The following CSF2RA variants were observed in gnomAD, a reference collection of about 807,000 sequenced individuals.
CSF2RA encodes colony stimulating factor 2 receptor subunit alpha.
Under a neutral mutation model 51.6 loss-of-function variants are expected in CSF2RA, and 42 were observed. The observed-to-expected ratio is 0.81, with a 90% confidence interval of 0.64 to 1.05. The LOEUF (loss-of-function observed/expected upper bound fraction) is 1.05. CSF2RA is among the 50% of genes least tolerant of loss of function. CSF2RA has a pLI of 0.00. For synonymous variants in CSF2RA, 222 were observed against 193.0 expected, an observed-to-expected ratio of 1.15 and a Z score of -1.24; for missense variants, 530 against 501.1, an observed-to-expected ratio of 1.06 and a Z score of -0.55.
chrX:1,277,908 C>T (rs1244405791), intron 2 of CSF2RA, among the ~76,000 whole-genome samples: 8 of 140,952 alleles, frequency 5.7e-5, no homozygotes, highest in East Asian at 2.1e-4. Flanking sequence ...ACTTGGGAGA[C>T]GGAGGTTGCA....
intron 2 of CSF2RA, among the ~76,000 whole-genome samples, chrX:1,279,945 C>G (rs1363380710): frequency 7.2e-5 from 11 of 151,796 alleles, no homozygotes; most frequent in African/African-American, 2.7e-4. Flanking sequence ...ACCCACCACC[C>G]CACCCGGCTA....
chrX:1,283,959 C>G (rs2090345282), intron 3 of CSF2RA, among the ~76,000 whole-genome samples: 1 of 151,922 alleles, frequency 6.6e-6, no homozygotes, highest in Non-Finnish European at 1.5e-5. Context: ...GGGAGGGACC[C>G]TCTTGACTGA....
At chrX:1,307,638 A>C (rs1401610437) in intron 12 of CSF2RA, among the ~76,000 whole-genome samples, 7 of 114,944 alleles carry the variant, frequency 6.1e-5, no homozygotes, top group East Asian at 2.8e-4. Context: ...TCCCCTTTAT[A>C]CCTTCGACTG....
chrX:1,317,170 G>A, the CSF2RA span, among the ~76,000 whole-genome samples: 7 of 148,390 alleles, frequency 4.7e-5, no homozygotes, highest in African/African-American at 1.2e-4. Context: ...GGATGGTCTC[G>A]AACTCCTGAC....
At chrX:1,317,246 C>CTTTTTTTTTT in the CSF2RA span, among the ~76,000 whole-genome samples, 28 of 57,836 alleles carry the variant, frequency 4.8e-4, 1 homozygote, top group East Asian at 6.2e-4. Flanking sequence ...CCACGCTCAG[C>CTTTTTTTTTT]TTTTTTTTTT....
chrX:1,294,608 G>C, intron 8 of CSF2RA, 147 bp downstream of exon 8: 1 of 1,061,662 alleles, frequency 9.4e-7, no homozygotes, highest in Non-Finnish European at 1.4e-6. Flanking sequence ...ACTTCGGGTA[G>C]CGGAGGAAGA....
chrX:1,315,788 T>C, the CSF2RA span, among the ~76,000 whole-genome samples: 61 of 85,062 alleles, frequency 7.2e-4, no homozygotes, highest in South Asian at 0.019. Flanking sequence ...GATAGATAGA[T>C]AGATAGATAG....
the CSF2RA span, among the ~76,000 whole-genome samples, chrX:1,322,665 C>A: frequency 6.6e-6 from 1 of 151,788 alleles, no homozygotes; most frequent in Non-Finnish European, 1.5e-5. Flanking sequence ...AGCTACTCAA[C>A]AATCACACAA....
intron 2 of CSF2RA, among the ~76,000 whole-genome samples, chrX:1,280,436 A>T (rs187992469): frequency 2.0e-5 from 3 of 148,072 alleles, no homozygotes; most frequent in African/African-American, 5.0e-5. Context: ...GCACCACTGC[A>T]CTCCAGCCTG....
At chrX:1,300,392 A>C in intron 9 of CSF2RA, 99 bp from the exon 10 acceptor site, 2 of 1,414,252 alleles carry the variant, frequency 1.4e-6, no homozygotes, top group Non-Finnish European at 2.0e-6. Context: ...AGAAAAAAAG[A>C]AAAGGAGAAA....
At chrX:1,284,201 T>C (rs866170809) in intron 3 of CSF2RA, among the ~76,000 whole-genome samples, 20,179 of 126,054 alleles carry the variant, frequency 0.16, 2,226 homozygotes, top group Non-Finnish European at 0.22. Flanking sequence ...CTCTCTTTTT[T>C]TTTTTTTTTT....
At chrX:1,314,260 C>CCAGACAGCATCTG (rs1569514697), downstream of CSF2RA, among the ~76,000 whole-genome samples, 1 of 51,002 alleles carries the variant, frequency 2.0e-5, no homozygotes, top group African/African-American at 7.5e-5. Flanking sequence ...ACCTGCCCAA[C>CCAGACAGCATCTG]CCCACTGCGC....
intron 6 of CSF2RA, 130 bp from the exon 7 acceptor site, chrX:1,290,205 TTG>T: frequency 1.3e-6 from 1 of 747,914 alleles, no homozygotes. Context: ...TTTTTTTGTT[TTG>T]TGTTTTTGTT....
chrX:1,304,087 A>G (rs2083289700), intron 11 of CSF2RA, 68 bp downstream of exon 11: 34 of 1,300,020 alleles, frequency 2.6e-5, no homozygotes, highest in Non-Finnish European at 3.6e-5. Context: ...CGCTTTGTCC[A>G]GTCTCTGTCT....
chrX:1,287,729 C>A lies in CSF2RA; in HGVS notation c.220-790C>A, dbSNP rs1385473993. Among the ~76,000 whole-genome samples, 3 of 130,932 alleles carry A rather than the reference C, an allele frequency of 2.3e-5. No individual in the cohort carries two copies. The Admixed American group carries it at 2.3e-4, about 10-fold the overall frequency. The allele number at this position is 130,932 out of a possible 152,430, so 85.9% of individuals were successfully genotyped here. ...AGAGTGCTGGCATTACAGGTGTGAGCCACTATGTCCGACCCTTTTTTTGGG... is the reference window on the plus strand; with the variant it reads ...AGAGTGCTGGCATTACAGGTGTGAGACACTATGTCCGACCCTTTTTTTGGG... On this transcript the variant is annotated intron_variant, in intron 4 of 12. Coordinates refer to ENST00000381529, the MANE Select transcript of CSF2RA (RefSeq NM_172245.4).
rs1191688009 is a variant in CSF2RA, at chrX:1,290,394, A to T, written c.531A>T (p.Gly177=). 2 of 1,613,540 alleles carry T rather than the reference A, an allele frequency of 1.2e-6. No individual in the cohort carries two copies. The highest frequency in any genetic ancestry group is 4.5e-5 in the East Asian group (2 of 44,878). Residue 177 remains glycine, a synonymous_variant, in exon 7 of 13, where the codon GGA becomes GGT. Coordinates refer to ENST00000381529, the MANE Select transcript of CSF2RA (RefSeq NM_172245.4). ...TACAAGACTCAGGAACCCATGTGGGATGTCACCTGGATAACCTGTCAGGAT... is the reference window on the plus strand; with the variant it reads ...TACAAGACTCAGGAACCCATGTGGGTTGTCACCTGGATAACCTGTCAGGAT... ...YYIQDSGTHV[G]CHLDNLSGLT...
intron 1 of CSF2RA, 64 bp downstream of exon 1, chrX:1,268,943 G>A: frequency 2.2e-6 from 1 of 452,762 alleles, no homozygotes; most frequent in Non-Finnish European, 4.4e-6. Flanking sequence ...ACATGTTTCT[G>A]CTGTGTCTGT....
intron 6 of CSF2RA, chrX:1,289,248 C>T: frequency 2.9e-6 from 1 of 342,592 alleles, no homozygotes; most frequent in Non-Finnish European, 5.6e-6. Context: ...CTGCCTCAGC[C>T]TCCCAAGTAG....
chrX:1,291,720 A>T (rs1328153974), intron 7 of CSF2RA, among the ~76,000 whole-genome samples: 1 of 151,092 alleles, frequency 6.6e-6, no homozygotes, highest in African/African-American at 2.4e-5. Context: ...CCCCACCTCC[A>T]CTTGGACCCA....
Sources: gnomAD v4.1 joint callset for allele counts (sites outside exome capture counted in the v4.1 genomes callset) on GRCh38, gnomAD v4.1.1 for gene constraint, MANE v1.5 for transcripts, NCBI Gene and HGNC (gene_info 2026-07-23, HGNC 2026-07-21) for gene names.